Variants in SEMA3D observed in about 807,000 individuals in gnomAD.
The protein encoded by SEMA3D is semaphorin-3D.
A neutral mutation model predicts 100.1 loss-of-function variants in SEMA3D; 84 were observed. That is an observed-to-expected ratio of 0.84 (90% CI 0.70 to 1.01). The LOEUF is 1.01. SEMA3D is among the 50% of genes least tolerant of loss of function. The pLI is 0.00. For synonymous variants in SEMA3D, 312 were observed against 320.7 expected, an observed-to-expected ratio of 0.97 and a Z score of 0.29; for missense variants, 875 against 934.1, an observed-to-expected ratio of 0.94 and a Z score of 0.82.
At chr7:85,215,035 C>T in the SEMA3D span, among the ~76,000 whole-genome samples, 5 of 151,448 alleles carry the variant, frequency 3.3e-5, no homozygotes, top group Non-Finnish European at 7.4e-5. Flanking sequence ...AGGAGAGGTC[C>T]CTTTAGCTTG....
intron 17 of SEMA3D, among the ~76,000 whole-genome samples, chr7:85,008,289 G>T (rs1789856420): frequency 6.6e-6 from 1 of 151,632 alleles, no homozygotes; most frequent in Non-Finnish European, 1.5e-5. Flanking sequence ...CCAAAGAATT[G>T]GTCAATTTAG....
At chr7:85,239,745 A>G in the SEMA3D span, among the ~76,000 whole-genome samples, 4 of 152,282 alleles carry the variant, frequency 2.6e-5, no homozygotes, top group African/African-American at 9.6e-5. Flanking sequence ...GTCGATAGCT[A>G]CTACCTGTTT....
intron 7 of SEMA3D, 27 bp from the exon 8 acceptor site, chr7:85,065,579 A>C: frequency 1.1e-5 from 18 of 1,600,370 alleles, no homozygotes; most frequent in Non-Finnish European, 1.5e-5. Flanking sequence ...AGTACACAGA[A>C]CTTTTAAGAG....
intron 3 of SEMA3D, 44 bp from the exon 4 acceptor site, chr7:85,098,009 AAGAAAGAAAG>A (rs753148515): frequency 8.8e-7 from 1 of 1,131,868 alleles, no homozygotes; most frequent in South Asian, 2.2e-5. Context: ...AGAAAAAAGA[AAGAAAGAAAG>A]AGAAAGAAAG....
At chr7:85,068,423 C>T in intron 6 of SEMA3D, 139 bp from the exon 7 acceptor site, 1 of 583,220 alleles carries the variant, frequency 1.7e-6, no homozygotes, top group Non-Finnish European at 3.1e-6. Context: ...ATGCTGAACT[C>T]CTTAACTTTT....
At chr7:85,061,782 T>G (rs913254157) in intron 8 of SEMA3D, among the ~76,000 whole-genome samples, 1 of 152,226 alleles carries the variant, frequency 6.6e-6, no homozygotes, top group Admixed American at 6.5e-5. Flanking sequence ...AACTCCTGAA[T>G]GACTGAATCT....
intron 12 of SEMA3D, among the ~76,000 whole-genome samples, chr7:85,030,978 T>G (rs931423189): frequency 6.6e-6 from 1 of 152,052 alleles, no homozygotes; most frequent in African/African-American, 2.4e-5. Context: ...ATATGGCTTG[T>G]TCAAATATTC....
At chr7:85,106,153 G>A (rs1160532641) in intron 3 of SEMA3D, among the ~76,000 whole-genome samples, 1 of 151,932 alleles carries the variant, frequency 6.6e-6, no homozygotes, top group Non-Finnish European at 1.5e-5. Flanking sequence ...TGTCACGATG[G>A]AATAAACTTC....
chr7:85,010,104 A>C (rs2115770021), intron 17 of SEMA3D, among the ~76,000 whole-genome samples: 1 of 151,958 alleles, frequency 6.6e-6, no homozygotes, highest in South Asian at 2.1e-4. Context: ...GATGGAGCTA[A>C]GTAAACATCT....
At chr7:85,207,087 G>C in the SEMA3D span, among the ~76,000 whole-genome samples, 1 of 152,018 alleles carries the variant, frequency 6.6e-6, no homozygotes, top group Non-Finnish European at 1.5e-5. Context: ...ACTTGTCCTA[G>C]ACAAGAGAAC....
At position 85,055,803 on chromosome 7, in the gene SEMA3D, T is replaced by G. The variant is rs1176894253; in HGVS notation, c.775A>C (p.Lys259Gln). The change falls in exon 9 of 19, where the codon AAA (lysine) becomes CAA (glutamine). Residue 259 changes from lysine (K) to glutamine (Q), a missense_variant. By Grantham distance (53) the Lys-to-Gln change is moderately conservative. Transcript: ENST00000284136. ...GATTCACGAAAGAAGAAATATATTT[T>G]ATCATCATCTGGATTGTAGGTGTCT... ...IPDTYNPDDD[K>Q]IYFFFRESSQ... 6.3e-7 allele frequency: 1 copy of G among 1,575,036 alleles called. No individual in the cohort carries two copies. The highest frequency in any genetic ancestry group is 8.7e-7 in the Non-Finnish European group (1 of 1,147,972).
At chr7:85,222,335 A>G in the SEMA3D span, among the ~76,000 whole-genome samples, 2 of 152,136 alleles carry the variant, frequency 1.3e-5, no homozygotes, top group African/African-American at 4.8e-5. Context: ...GTCTGGTAAT[A>G]TGCAGAAAAC....
chr7:85,205,848 A>G, the SEMA3D span, among the ~76,000 whole-genome samples: 1 of 152,264 alleles, frequency 6.6e-6, no homozygotes, highest in Non-Finnish European at 1.5e-5. Flanking sequence ...AAGGCCCAGC[A>G]GTGTTTCAAA....
At chr7:85,237,484 G>A in the SEMA3D span, among the ~76,000 whole-genome samples, 10 of 152,026 alleles carry the variant, frequency 6.6e-5, no homozygotes, top group Non-Finnish European at 1.3e-4. Flanking sequence ...CACTAATATT[G>A]TCATCATAAT....
At chr7:85,156,049 T>G (rs951768140) in intron 1 of SEMA3D, among the ~76,000 whole-genome samples, 8 of 152,086 alleles carry the variant, frequency 5.3e-5, no homozygotes, top group Admixed American at 4.6e-4. Flanking sequence ...AGCTTAGAAA[T>G]GTAGACAAAA....
intron 4 of SEMA3D, among the ~76,000 whole-genome samples, chr7:85,082,122 T>G (rs1322980376): frequency 6.6e-6 from 1 of 152,220 alleles, no homozygotes; most frequent in Admixed American, 6.5e-5. Context: ...AATTTCACAA[T>G]GACCCTCTGA....
chr7:85,028,028 T>G (rs549117865), intron 12 of SEMA3D: 1 of 581,898 alleles, frequency 1.7e-6, no homozygotes, highest in African/African-American at 1.8e-5. Context: ...CCAGCATGGC[T>G]TTTGATGCCA....
At chr7:85,221,869 T>G in the SEMA3D span, among the ~76,000 whole-genome samples, 23,838 of 152,046 alleles carry the variant, frequency 0.16, 2,380 homozygotes, top group Non-Finnish European at 0.23. Context: ...TCAATCTAGA[T>G]TGTTTTATGA....
intron 2 of SEMA3D, among the ~76,000 whole-genome samples, chr7:85,137,189 T>C (rs947151875): frequency 2.6e-5 from 4 of 152,026 alleles, no homozygotes; most frequent in African/African-American, 9.7e-5. Context: ...TCAGATATTA[T>C]AATTTATTTT....
Sources: gnomAD v4.1 joint callset for allele counts (sites outside exome capture counted in the v4.1 genomes callset) on GRCh38, gnomAD v4.1.1 for gene constraint, MANE v1.5 for transcripts, NCBI Gene and HGNC (gene_info 2026-07-23, HGNC 2026-07-21) for gene names.